TANC2: variants seen among roughly 807,000 people sequenced by gnomAD.
The protein encoded by TANC2 is protein TANC2.
TANC2 carries 26 observed loss-of-function variants against 210.5 expected under a neutral mutation model. The observed-to-expected ratio is 0.12, with a 90% CI of 0.09 to 0.17. The LOEUF (loss-of-function observed/expected upper bound fraction) is 0.17, where lower values mean the gene tolerates loss of function less well. Ranked by LOEUF, TANC2 falls within the 10% of genes least tolerant of loss-of-function variation. The pLI, the probability that TANC2 is intolerant of heterozygous loss-of-function variation, is 1.00. For synonymous variants in TANC2, 931 were observed against 967.1 expected, an observed-to-expected ratio of 0.96 and a Z score of 0.69; for missense variants, 2,129 against 2,608.9, an observed-to-expected ratio of 0.82 and a Z score of 4.01.
At chr17:63,106,332 A>T (rs914249054) in intron 4 of TANC2, among the ~76,000 whole-genome samples, 16 of 151,700 alleles carry the variant, frequency 1.1e-4, no homozygotes, top group African/African-American at 3.9e-4. Context: ...AATAGTATAG[A>T]ACTGGGCTCA....
chr17:63,173,715 A>G (rs2040485741), intron 5 of TANC2, among the ~76,000 whole-genome samples: 1 of 152,216 alleles, frequency 6.6e-6, no homozygotes, highest in Non-Finnish European at 1.5e-5. Flanking sequence ...TTTCCTGTTA[A>G]TATTGGGGTG....
intron 19 of TANC2, among the ~76,000 whole-genome samples, chr17:63,404,380 A>G (rs879666432): frequency 1.4e-4 from 22 of 152,216 alleles, no homozygotes; most frequent in Non-Finnish European, 2.4e-4. Flanking sequence ...TTGTCAGTGG[A>G]CAGTGGCACA....
In TANC2 at chr17:63,082,766, A is replaced by T. The variant is rs149003388; in HGVS notation, c.139+8752A>T. 9.9e-5 allele frequency among the ~76,000 whole-genome samples: 15 copies of T among 152,206 alleles called. No individual in the cohort carries two copies. In the East Asian group the frequency reaches 2.9e-3, roughly 29 times the overall value. ...ATGTATAAACTCCATCCCTTTGTTAATGAGGGTAGGGTAGAGTGGCTGGTT... is the reference window on the plus strand; with the variant it reads ...ATGTATAAACTCCATCCCTTTGTTATTGAGGGTAGGGTAGAGTGGCTGGTT... On this transcript the variant is annotated intron_variant, in intron 3 of 27. Coordinates refer to ENST00000689528, the Ensembl canonical transcript of TANC2.
chr17:63,124,632 G>A (rs1403286282), intron 4 of TANC2, among the ~76,000 whole-genome samples: 1 of 152,180 alleles, frequency 6.6e-6, no homozygotes, highest in Non-Finnish European at 1.5e-5. Context: ...TTTGGTGTCT[G>A]TGATATATAG....
intron 14 of TANC2, among the ~76,000 whole-genome samples, chr17:63,359,464 C>T (rs2046891786): frequency 1.3e-5 from 2 of 152,020 alleles, no homozygotes; most frequent in African/African-American, 4.8e-5. Flanking sequence ...CTGCCTCAGC[C>T]TCCCAAGTAG....
intron 12 of TANC2, among the ~76,000 whole-genome samples, chr17:63,350,392 CTT>C (rs1047440751): frequency 5.4e-4 from 82 of 152,114 alleles, no homozygotes; most frequent in African/African-American, 1.6e-3. Flanking sequence ...CTAAAATGTT[CTT>C]TCAGTGTGGA....
At chr17:63,240,229 G>T (rs1438627734) in intron 8 of TANC2, among the ~76,000 whole-genome samples, 1 of 152,172 alleles carries the variant, frequency 6.6e-6, no homozygotes, top group Non-Finnish European at 1.5e-5. Context: ...AAGCTACAAT[G>T]ATTTCTAAGA....
intron 3 of TANC2, among the ~76,000 whole-genome samples, chr17:63,093,168 C>T (rs1404083626): frequency 6.6e-6 from 1 of 151,904 alleles, no homozygotes; most frequent in Non-Finnish European, 1.5e-5. Context: ...CAAGGTCACA[C>T]AGATTTTCTC....
intron 4 of TANC2, among the ~76,000 whole-genome samples, chr17:63,118,197 A>T (rs2145101730): frequency 1.3e-5 from 2 of 152,306 alleles, no homozygotes; most frequent in South Asian, 4.1e-4. Context: ...TAATACATAA[A>T]ATCATTCTTG....
chr17:63,088,782 A>G (rs1300315123), intron 3 of TANC2: 1 of 152,182 alleles, frequency 6.6e-6, no homozygotes, highest in Non-Finnish European at 1.5e-5. Context: ...CTGTAGATCA[A>G]ATACTGTCCT....
intron 5 of TANC2, among the ~76,000 whole-genome samples, chr17:63,178,604 G>A (rs961347375): frequency 1.3e-5 from 2 of 152,186 alleles, no homozygotes; most frequent in African/African-American, 2.4e-5. Flanking sequence ...GTTTGCTTTG[G>A]CAGTTGGGCC....
chr17:63,081,813 A>G (rs967740239), intron 3 of TANC2, among the ~76,000 whole-genome samples: 56 of 152,212 alleles, frequency 3.7e-4, no homozygotes, highest in African/African-American at 1.4e-3. Context: ...AGCCTTGTAG[A>G]AGCCGCTCCT....
intron 4 of TANC2, among the ~76,000 whole-genome samples, chr17:63,102,137 C>T (rs2037646027): frequency 6.6e-6 from 1 of 151,980 alleles, no homozygotes; most frequent in South Asian, 2.1e-4. Context: ...CTTGTCTCTA[C>T]AACAAATAAT....
intron 2 of TANC2, among the ~76,000 whole-genome samples, chr17:63,031,248 C>CT: frequency 6.6e-6 from 1 of 152,138 alleles, no homozygotes; most frequent in Admixed American, 6.6e-5. Flanking sequence ...TGACATAAAT[C>CT]TTTTTTGTAC....
At chr17:63,243,271 C>T (rs745459944) in intron 8 of TANC2, among the ~76,000 whole-genome samples, 17 of 152,106 alleles carry the variant, frequency 1.1e-4, no homozygotes, top group Middle Eastern at 3.2e-3. Context: ...GTTGGTACTC[C>T]ATTTTGTAAA....
intron 4 of TANC2, among the ~76,000 whole-genome samples, chr17:63,136,987 T>C (rs1316290576): frequency 8.5e-5 from 13 of 152,186 alleles, no homozygotes; most frequent in Admixed American, 7.9e-4. Flanking sequence ...TTTGCATCTT[T>C]AATACTGAGT....
chr17:63,196,043 G>T (rs1344644894), intron 6 of TANC2, among the ~76,000 whole-genome samples: 3 of 152,152 alleles, frequency 2.0e-5, no homozygotes, highest in Non-Finnish European at 4.4e-5. Flanking sequence ...TCCTCAGAGA[G>T]GTCTTACTTA....
intron 2 of TANC2, among the ~76,000 whole-genome samples, chr17:63,027,783 C>A (rs76836855): frequency 0.03 from 4,492 of 152,156 alleles, 83 homozygotes; most frequent in South Asian, 0.037. Context: ...ATCATAGACT[C>A]TTTGTCCTCA....
chr17:63,044,301 A>G (rs1013520732), intron 2 of TANC2, among the ~76,000 whole-genome samples: 1 of 152,174 alleles, frequency 6.6e-6, no homozygotes, highest in Non-Finnish European at 1.5e-5. Context: ...ATCAGTATAA[A>G]TGTATCCATG....
Sources: allele counts gnomAD v4.1 joint callset (sites outside exome capture counted in the v4.1 genomes callset), GRCh38; gene constraint gnomAD v4.1.1; transcripts MANE v1.5; gene names NCBI Gene and HGNC (gene_info 2026-07-23, HGNC 2026-07-21).